Variants in NIBAN1 observed in about 807,000 individuals in gnomAD.
The protein encoded by NIBAN1 is niban apoptosis regulator 1.
Under a neutral mutation model 75.1 loss-of-function variants are expected in NIBAN1, and 81 were observed. That is an observed-to-expected ratio of 1.08 (90% confidence interval 0.90 to 1.30). The LOEUF (loss-of-function observed/expected upper bound fraction) is 1.30. NIBAN1 is among the 50% of genes most tolerant of loss of function. NIBAN1 has a pLI of 0.00. For synonymous variants in NIBAN1, 436 were observed against 424.8 expected (o/e 1.03, Z -0.32); for missense variants, 1,133 against 1,128.1 (o/e 1.00, Z -0.06).
intron 1 of NIBAN1, among the ~76,000 whole-genome samples, chr1:184,916,353 G>T (rs577344675): frequency 1.3e-5 from 2 of 152,230 alleles, no homozygotes; most frequent in East Asian, 3.9e-4. Flanking sequence ...AGAAACTTAG[G>T]TTGGAAACTT....
At chr1:184,951,939 T>C (rs56721506) in intron 1 of NIBAN1, among the ~76,000 whole-genome samples, 286 of 152,316 alleles carry the variant, frequency 1.9e-3, no homozygotes, top group African/African-American at 6.7e-3. Context: ...TTGGTAATGA[T>C]ACCATCTTAT....
At chr1:184,879,972 C>G (rs370215106) in intron 5 of NIBAN1, among the ~76,000 whole-genome samples, 1 of 152,174 alleles carries the variant, frequency 6.6e-6, no homozygotes, top group East Asian at 1.9e-4. Context: ...TTGATACTAC[C>G]GTTTTCAACC....
chr1:184,886,044 G>A (rs1042551007), intron 4 of NIBAN1, among the ~76,000 whole-genome samples: 32 of 151,942 alleles, frequency 2.1e-4, no homozygotes, highest in East Asian at 7.8e-4. Context: ...CACCCATTCC[G>A]TGACTTTTTA....
intron 13 of NIBAN1, among the ~76,000 whole-genome samples, chr1:184,797,137 CTTTTT>C (rs56272970): frequency 0.14 from 18,681 of 130,470 alleles, 2,002 homozygotes; most frequent in African/African-American, 0.34. Context: ...CCTTCTCCAG[CTTTTT>C]TTTTTTTTTT....
intron 5 of NIBAN1, among the ~76,000 whole-genome samples, chr1:184,875,960 G>A (rs1259953326): frequency 6.6e-6 from 1 of 152,096 alleles, no homozygotes; most frequent in Non-Finnish European, 1.5e-5. Context: ...GATCACCTGA[G>A]GTCAGGAGTT....
chr1:184,840,463 C>T (rs1655253318), intron 5 of NIBAN1, among the ~76,000 whole-genome samples: 1 of 152,052 alleles, frequency 6.6e-6, no homozygotes, highest in Non-Finnish European at 1.5e-5. Flanking sequence ...TATAAGAACT[C>T]ACCCTGAGAA....
intron 5 of NIBAN1, among the ~76,000 whole-genome samples, chr1:184,838,403 A>G (rs1335915460): frequency 6.6e-6 from 1 of 152,206 alleles, no homozygotes; most frequent in Non-Finnish European, 1.5e-5. Context: ...TCACCAGATC[A>G]GGAGTGAGGA....
chr1:184,881,039 C>T (rs1656364026), intron 5 of NIBAN1, among the ~76,000 whole-genome samples: 1 of 152,050 alleles, frequency 6.6e-6, no homozygotes, highest in Non-Finnish European at 1.5e-5. Flanking sequence ...TATGCCTGCC[C>T]AATGAAGAGG....
At position 184,793,040 on chromosome 1, in the gene NIBAN1, G is replaced by A. The variant is rs764058572; in HGVS notation, c.*1937C>T. 9 of 152,136 alleles carry A rather than the reference G, an allele frequency of 5.9e-5. No individual in the cohort carries two copies. The highest frequency in any genetic ancestry group is 9.7e-5 in the African/African-American group (4 of 41,428). The allele number at this position is 152,136 out of a possible 1,614,324, so 9.4% of individuals were successfully genotyped here. A position where few individuals can be genotyped will look rare whatever the true frequency, so the allele number is the denominator to read the frequency against. On this transcript the variant is annotated 3_prime_UTR_variant, in exon 14 of 14. Coordinates refer to ENST00000367511, the MANE Select transcript of NIBAN1 (RefSeq NM_052966.4). Reference sequence around the variant, plus strand: ...CTCAAAGACATGAGGATTTAAACACGCCAAGAAAAGTTGCAACAATTAAAT... The same window carrying A: ...CTCAAAGACATGAGGATTTAAACACACCAAGAAAAGTTGCAACAATTAAAT...
intron 3 of NIBAN1, 22 bp downstream of exon 3, chr1:184,894,053 T>C (rs1190684253): frequency 6.3e-7 from 1 of 1,584,680 alleles, no homozygotes; most frequent in East Asian, 2.2e-5. Context: ...TAAGAATCAG[T>C]AGTAACAAAG....
At chr1:184,879,785 C>A (rs1395614736) in intron 5 of NIBAN1, among the ~76,000 whole-genome samples, 2 of 152,172 alleles carry the variant, frequency 1.3e-5, no homozygotes, top group Non-Finnish European at 2.9e-5. Context: ...GACAGAGTAA[C>A]CAATTCCAAC....
At chr1:184,818,547 G>C (rs557594186) in intron 9 of NIBAN1, 91 bp downstream of exon 9, 1 of 1,239,256 alleles carries the variant, frequency 8.1e-7, no homozygotes, top group Non-Finnish European at 1.1e-6. Flanking sequence ...GGAAAGAAGG[G>C]AGGAAGGGAG....
chr1:184,811,501 C>CT (rs746898293), intron 9 of NIBAN1, among the ~76,000 whole-genome samples: 1,517 of 33,546 alleles, frequency 0.045, 15 homozygotes, highest in Non-Finnish European at 0.063. Context: ...TACTTTCTTC[C>CT]TTTTTTTTTT....
Position 184,845,716 on chromosome 1 carries a change from G to C in NIBAN1, c.602-13754C>G, listed in dbSNP as rs1365436183. 2.9e-5 allele frequency among the ~76,000 whole-genome samples: 2 copies of C among 68,258 alleles called. 1 individual carries two copies. Among genetic ancestry groups the C allele is most frequent in the Admixed American group, 3.1e-4 (2 of 6,366 alleles). The allele number at this position is 68,258 out of a possible 152,430, so 44.8% of individuals were successfully genotyped here. ...TCTGCATTTCCATCTGAGGTACCGG[G>C]TTCATCTCACTAGGGAGTGCCAGAC... On this transcript the variant is annotated intron_variant, in intron 5 of 13. Transcript: ENST00000367511.
At chr1:184,967,303 G>A (rs1172913798) in intron 1 of NIBAN1, among the ~76,000 whole-genome samples, 1 of 151,750 alleles carries the variant, frequency 6.6e-6, no homozygotes, top group Non-Finnish European at 1.5e-5. Context: ...TGTAGCAGAT[G>A]AATTGTGCTT....
intron 5 of NIBAN1, among the ~76,000 whole-genome samples, chr1:184,854,152 A>G (rs1041960014): frequency 6.6e-6 from 1 of 152,184 alleles, no homozygotes; most frequent in African/African-American, 2.4e-5. Flanking sequence ...TGGATTCAGG[A>G]CATTTTAAGT....
At chr1:184,872,598 T>C (rs1238091034) in intron 5 of NIBAN1, among the ~76,000 whole-genome samples, 1 of 151,878 alleles carries the variant, frequency 6.6e-6, no homozygotes, top group African/African-American at 2.4e-5. Context: ...TCCTAGCAAC[T>C]TGGGAGGCTG....
chr1:184,950,950 A>G (rs1048636170), intron 1 of NIBAN1, among the ~76,000 whole-genome samples: 1 of 152,226 alleles, frequency 6.6e-6, no homozygotes, highest in African/African-American at 2.4e-5. Context: ...TCTGACTTGA[A>G]TTCAATAACC....
intron 1 of NIBAN1, among the ~76,000 whole-genome samples, chr1:184,900,986 G>A (rs1341339300): frequency 1.3e-5 from 2 of 152,158 alleles, no homozygotes; most frequent in Non-Finnish European, 2.9e-5. Context: ...TATCATGTGG[G>A]TTAAATTTCA....
Sources: allele counts gnomAD v4.1 joint callset (sites outside exome capture counted in the v4.1 genomes callset), GRCh38; gene constraint gnomAD v4.1.1; transcripts MANE v1.5; gene names NCBI Gene and HGNC (gene_info 2026-07-23, HGNC 2026-07-21).